The following CASZ1 variants were observed in gnomAD, a reference collection of about 807,000 sequenced individuals.
CASZ1 encodes the protein castor zinc finger 1.
Under a neutral mutation model 135.2 loss-of-function variants are expected in CASZ1, and 28 were observed. The observed-to-expected ratio is 0.21, with a 90% confidence interval of 0.15 to 0.28. CASZ1 has a LOEUF of 0.28. CASZ1 is among the 10% of genes least tolerant of loss of function. CASZ1 has a pLI of 1.00. For synonymous variants in CASZ1, 1,068 were observed against 1,073.4 expected, an observed-to-expected ratio of 0.99 and a Z score of 0.10; for missense variants, 2,161 against 2,453.3, an observed-to-expected ratio of 0.88 and a Z score of 2.52.
Position 10,660,447 on chromosome 1 carries a change from C to G in CASZ1, c.595G>C (p.Glu199Gln). Residue 199 changes from glutamate (E) to glutamine (Q), a missense_variant, in exon 6 of 21, where the codon GAG becomes CAG. Around this residue, in one of 7 missense-constraint regions of CASZ1, gnomAD observed 590 missense variants for 609.8 expected, o/e 0.97. Transcript: ENST00000377022. ...FGYDDQNTRD[E>Q]LARKISFEKL... The stretch of plus-strand genomic sequence containing the variant: ...TCAAAGCTGATCTTCCTGGCCAGCT[C>G]GTCCCGCGTGTTCTGGTCATCATAG... The G allele has an allele frequency of 6.2e-7, 1 of 1,614,140 alleles. No homozygotes were observed. Among genetic ancestry groups the G allele is most frequent in the Non-Finnish European group, 8.5e-7 (1 of 1,180,014 alleles).
At chr1:10,712,881 A>G (rs1639312927) in intron 2 of CASZ1, among the ~76,000 whole-genome samples, 1 of 152,194 alleles carries the variant, frequency 6.6e-6, no homozygotes, top group African/African-American at 2.4e-5. Context: ...ATCTTAGTGC[A>G]ACAAGCGCCC....
At chr1:10,696,326 A>G (rs1638934073) in intron 3 of CASZ1, among the ~76,000 whole-genome samples, 1 of 152,174 alleles carries the variant, frequency 6.6e-6, no homozygotes, top group African/African-American at 2.4e-5. Context: ...CTACATAGGA[A>G]CAGCAGCTGG....
At position 10,706,172 on chromosome 1, in the gene CASZ1, C is replaced by T. The variant is rs140633862; in HGVS notation, c.-76-628G>A. Among the ~76,000 whole-genome samples the T allele has an allele frequency of 3.7e-3, 564 of 152,342 alleles. 8 individuals are homozygous for T. Among genetic ancestry groups the T allele is most frequent in the African/African-American group, 0.012 (519 of 41,582 alleles). ...GTCATCACAGCCCATGTCCAGAGAC[C>T]GTGCAGGGAGAGGGACGATGGTCAG... On this transcript the variant is annotated intron_variant, in intron 2 of 20. Transcript: ENST00000377022. This position sits in a 1 kb window ranked among gnomAD's most constrained non-coding sequence, Gnocchi z 4.3.
At chr1:10,669,507 C>T (rs933044421) in intron 4 of CASZ1, among the ~76,000 whole-genome samples, 1 of 152,202 alleles carries the variant, frequency 6.6e-6, no homozygotes, top group East Asian at 1.9e-4. Flanking sequence ...GAGAAGGCCC[C>T]GTTATGGCAT....
rs1385674077 is a variant in CASZ1 at position 10,794,295 on chromosome 1, A to T, written c.-234+2269T>A. On this transcript the variant is annotated intron_variant, in intron 1 of 20. Coordinates refer to ENST00000377022, the MANE Select transcript of CASZ1 (RefSeq NM_001079843.3). The surrounding 1 kb of genome is among the most constrained non-coding windows in gnomAD (Gnocchi z 5.6). ...TCGTGCGCTCTCACCGCGCGCCTGTACCAGCTCGGAGACGTCCTAAATTTA... is the reference window on the plus strand; with the variant it reads ...TCGTGCGCTCTCACCGCGCGCCTGTTCCAGCTCGGAGACGTCCTAAATTTA... Among the ~76,000 whole-genome samples the T allele has an allele frequency of 6.6e-6, 1 of 151,882 alleles. No homozygotes were observed. Among genetic ancestry groups the T allele is most frequent in the Non-Finnish European group, 1.5e-5 (1 of 67,962 alleles).
rs913966529 is a variant in CASZ1 at position 10,709,132 on chromosome 1, GC to G, written c.-76-3589del. On this transcript the variant is annotated intron_variant, in intron 2 of 20. Coordinates refer to ENST00000377022, the MANE Select transcript of CASZ1 (RefSeq NM_001079843.3). This position sits in a 1 kb window ranked among gnomAD's most constrained non-coding sequence, Gnocchi z 5.1. The stretch of plus-strand genomic sequence containing the variant: ...GGAGCCGCTGCTGGTCCAGGACTTG[GC>G]TTTGGAGCCTCTCACCCACAGCTGC... 5.9e-5 allele frequency among the ~76,000 whole-genome samples: 9 copies of G among 152,260 alleles called. 1 individual carries two copies. Among genetic ancestry groups the G allele is most frequent in the African/African-American group, 2.2e-4 (9 of 41,544 alleles).
chr1:10,646,389 G>A lies in CASZ1; in HGVS notation c.3498-63C>T. On this transcript the variant is annotated intron_variant, in intron 16 of 20. Transcript: ENST00000377022. This position sits in a 1 kb window ranked among gnomAD's most constrained non-coding sequence, Gnocchi z 6.4. ...CTCAAGCCCTCCCTGCTGGTGTCCT[G>A]ACTTCACTTGTGTTGGAGTTCACTC... The A allele has an allele frequency of 1.3e-6, 2 of 1,524,360 alleles. No homozygotes were observed. Among genetic ancestry groups the A allele is most frequent in the Non-Finnish European group, 1.8e-6 (2 of 1,108,520 alleles). The allele number at this position is 1,524,360 out of a possible 1,614,324, so 94.4% of individuals were successfully genotyped here. A position where few individuals can be genotyped will look rare whatever the true frequency, so the allele number is the denominator to read the frequency against.
In CASZ1 at chr1:10,658,341, C is replaced by A. The variant is rs28716527; in HGVS notation, c.1409+167G>T. 2.8e-3 allele frequency: 1,705 copies of A among 618,560 alleles called. 30 individuals are homozygous for A. In the African/African-American group the frequency reaches 0.028, roughly 10 times the overall value. 38.3% of individuals were successfully genotyped at this position (618,560 alleles called of 1,614,324 possible). A position where few individuals can be genotyped will look rare whatever the true frequency, so the allele number is the denominator to read the frequency against. On this transcript the variant is annotated intron_variant, in intron 7 of 20. Coordinates refer to ENST00000377022, the MANE Select transcript of CASZ1 (RefSeq NM_001079843.3). ...GAGCGGAGGGAGGCTCCCAAACGGG[C>A]GTGCAGGGCAGCCCTCGGTGCGGTG...
chr1:10,644,861 G>A (rs1171417261), intron 18 of CASZ1, 56 bp downstream of exon 18: 2 of 1,554,786 alleles, frequency 1.3e-6, no homozygotes, highest in East Asian at 2.2e-5. Context: ...AGGCCACGGG[G>A]GCCATGGTCT....
intron 2 of CASZ1, among the ~76,000 whole-genome samples, chr1:10,740,960 C>CAAAAAAAAAAA (rs374464130): frequency 1.6e-5 from 1 of 61,482 alleles, no homozygotes; most frequent in Non-Finnish European, 2.9e-5. Context: ...CCTGTCTGGA[C>CAAAAAAAAAAA]AAAAAAAAAA....
chr1:10,687,960 T>G (rs1476662888), intron 4 of CASZ1, among the ~76,000 whole-genome samples: 1 of 152,136 alleles, frequency 6.6e-6, no homozygotes, highest in Non-Finnish European at 1.5e-5. Context: ...TTGGCCAACA[T>G]TTCCTGCCTT....
At chr1:10,768,744 C>T (rs1358074435) in intron 1 of CASZ1, among the ~76,000 whole-genome samples, 1 of 152,222 alleles carries the variant, frequency 6.6e-6, no homozygotes, top group Non-Finnish European at 1.5e-5. Context: ...GAATCCATCA[C>T]TGCCTGGCAC....
intron 2 of CASZ1, among the ~76,000 whole-genome samples, chr1:10,751,760 G>T (rs540889190): frequency 6.6e-6 from 1 of 152,152 alleles, no homozygotes; most frequent in Admixed American, 6.5e-5. Context: ...GCCGGGAAAG[G>T]CTGGGAGGAG....
At chr1:10,688,432 G>A (rs1476614806) in intron 4 of CASZ1, among the ~76,000 whole-genome samples, 1 of 152,190 alleles carries the variant, frequency 6.6e-6, no homozygotes, top group Admixed American at 6.5e-5. Context: ...TGCTCTTGGA[G>A]GGAGGGGGAG....
At chr1:10,710,988 G>A (rs1015073870) in intron 2 of CASZ1, among the ~76,000 whole-genome samples, 16 of 150,802 alleles carry the variant, frequency 1.1e-4, no homozygotes, top group African/African-American at 3.2e-4. Context: ...AATATTAGCC[G>A]GGTGTGGTGG....
In CASZ1 at chr1:10,694,584, C is replaced by CCCGCCGCCGCCGCCGCCGCCGCCGCCG. The variant is rs1171158662; in HGVS notation, c.-23-699_-23-673dup. The CCCGCCGCCGCCGCCGCCGCCGCCGCCG allele has an allele frequency of 5.8e-5, 8 of 137,422 alleles. 1 individual carries two copies. The highest frequency in any genetic ancestry group is 4.2e-4 in the Admixed American group (6 of 14,120). 8.5% of individuals were successfully genotyped at this position (137,422 alleles called of 1,614,324 possible). ...GGCAGGTGAAAGAGCAGAGCGCGGC[C>CCCGCCGCCGCCGCCGCCGCCGCCGCCG]CCGCCGCCGCCGCCGCCGCCGCCGC... On this transcript the variant is annotated intron_variant, in intron 3 of 20. Transcript: ENST00000377022. The surrounding 1 kb of genome is among the most constrained non-coding windows in gnomAD (Gnocchi z 6.6).
rs1642245563 is a variant in CASZ1, at chr1:10,642,713, C to T, written c.4162+146G>A. 3 of 867,506 alleles carry T rather than the reference C, an allele frequency of 3.5e-6. No homozygotes were observed. The South Asian group carries it at 5.4e-5, about 16-fold the overall frequency. The allele number at this position is 867,506 out of a possible 1,614,324, so 53.7% of individuals were successfully genotyped here. On this transcript the variant is annotated intron_variant, in intron 20 of 20. Coordinates refer to ENST00000377022, the MANE Select transcript of CASZ1 (RefSeq NM_001079843.3). ...GCGGGAGGGGCCTCGATGACCCAGT[C>T]CCACAGACCAGCTGGCTCTGCTGCA...
intron 20 of CASZ1, among the ~76,000 whole-genome samples, chr1:10,641,385 T>A (rs1248516006): frequency 6.6e-6 from 1 of 151,808 alleles, no homozygotes; most frequent in Non-Finnish European, 1.5e-5. Flanking sequence ...AGGCAGCACG[T>A]GAGGCAAGAA....
Position 10,637,986 on chromosome 1 carries a change from C to A in CASZ1, c.*956G>T, listed in dbSNP as rs1208576661. On this transcript the variant is annotated 3_prime_UTR_variant, in exon 21 of 21. Coordinates refer to ENST00000377022, the MANE Select transcript of CASZ1 (RefSeq NM_001079843.3). ...GCTCCCATCAGTGCTATTGTGAAGA[C>A]AGACAGCCTCAAACAGTTAAGGCCT... 1.3e-5 allele frequency: 2 copies of A among 152,404 alleles called. No homozygotes were observed. The highest frequency in any genetic ancestry group is 2.9e-5 in the Non-Finnish European group (2 of 68,038). The allele number at this position is 152,404 out of a possible 1,614,324, so 9.4% of individuals were successfully genotyped here.
Sources: gnomAD v4.1 joint callset for allele counts (sites outside exome capture counted in the v4.1 genomes callset) on GRCh38, gnomAD v4.1.1 for gene constraint, gnomAD v4.1.1 regional missense constraint, Gnocchi (gnomAD v3.1) non-coding constraint, MANE v1.5 for transcripts, NCBI Gene and HGNC (gene_info 2026-07-23, HGNC 2026-07-21) for gene names.